Variants in SHISA9 observed in about 807,000 individuals in gnomAD.
SHISA9 encodes protein shisa-9.
In SHISA9, 13 loss-of-function variants were observed where a neutral mutation model predicts 38.0. The ratio of observed to expected loss-of-function variants is 0.34; its 90% confidence interval spans 0.22 to 0.54. SHISA9 has a LOEUF of 0.54. SHISA9 is among the 20% of genes least tolerant of loss of function. The probability of loss-of-function intolerance (pLI) is 0.91; values close to 1 mark genes in which losing one functional copy is unlikely to be tolerated. For synonymous variants in SHISA9, 275 were observed against 242.0 expected (o/e 1.14, Z -1.27); for missense variants, 538 against 575.8 (o/e 0.93, Z 0.67).
intron 2 of SHISA9, among the ~76,000 whole-genome samples, chr16:12,971,793 CTAATATAA>C (rs2072086568): frequency 6.6e-6 from 1 of 152,084 alleles, no homozygotes; most frequent in Admixed American, 6.6e-5. Flanking sequence ...ATAAGGAAAG[CTAATATAA>C]TAAAGACCTT....
At chr16:13,147,620 G>A (rs755803544) in intron 2 of SHISA9, among the ~76,000 whole-genome samples, 17 of 151,980 alleles carry the variant, frequency 1.1e-4, no homozygotes, top group African/African-American at 3.9e-4. Context: ...ACAACACCAC[G>A]CCTGGCTAAT....
Position 13,049,156 on chromosome 16 carries a change from A to ATGTGTGTGTGTGTG in SHISA9, c.691+132377_691+132390dup, listed in dbSNP as rs10526925. Among the ~76,000 whole-genome samples the ATGTGTGTGTGTGTG allele has an allele frequency of 2.3e-4, 15 of 63,972 alleles. 1 individual carries two copies. Among genetic ancestry groups the ATGTGTGTGTGTGTG allele is most frequent in the Admixed American group, 1.9e-3 (14 of 7,512 alleles). 42.0% of individuals were successfully genotyped at this position (63,972 alleles called of 152,430 possible). On this transcript the variant is annotated intron_variant, in intron 2 of 4. Transcript: ENST00000558583. ...GCCATTCTAAGCTTTGGTTAGGAGT[A>ATGTGTGTGTGTGTG]TGTGTGTGTGTGTGTGTGTGTGTGT...
chr16:13,294,476 G>T, the SHISA9 span, among the ~76,000 whole-genome samples: 63 of 152,290 alleles, frequency 4.1e-4, no homozygotes, highest in African/African-American at 1.4e-3. Flanking sequence ...AAGACTCTTA[G>T]TGGAAACACA....
At chr16:13,130,919 A>G (rs1327646770) in intron 2 of SHISA9, among the ~76,000 whole-genome samples, 1 of 152,142 alleles carries the variant, frequency 6.6e-6, no homozygotes. Flanking sequence ...TGAGATACCA[A>G]CTCACACCAG....
chr16:13,516,550 AG>A, the SHISA9 span, among the ~76,000 whole-genome samples: 4 of 152,226 alleles, frequency 2.6e-5, no homozygotes, highest in Non-Finnish European at 5.9e-5. Flanking sequence ...CTGTAATCCC[AG>A]CACTTTGGGA....
rs746874108 is a variant in SHISA9, at chr16:13,203,531, G to C, written c.829G>C (p.Ala277Pro). 6.5e-7 allele frequency: 1 copy of C among 1,539,520 alleles called. No individual in the cohort carries two copies. Among genetic ancestry groups the C allele is most frequent in the Non-Finnish European group, 8.8e-7 (1 of 1,141,428 alleles). Residue 277 changes from alanine (A) to proline (P), a missense_variant, in exon 3 of 5, where the codon GCC (alanine) becomes CCC (proline). Transcript: ENST00000558583. ...QPPGKELNKY[A>P]SLKAVGSSDG... ...ACCAGGAAAAGAGCTCAACAAGTAC[G>C]CCTCCTTAAAGGCAGTCGGTAAGTG...
chr16:13,078,739 A>T (rs1411060599), intron 2 of SHISA9, among the ~76,000 whole-genome samples: 1 of 152,132 alleles, frequency 6.6e-6, no homozygotes, highest in African/African-American at 2.4e-5. Flanking sequence ...AAGTTGGTTG[A>T]ACCCTTGGAT....
the SHISA9 span, among the ~76,000 whole-genome samples, chr16:13,447,565 G>C: frequency 6.6e-5 from 10 of 152,172 alleles, no homozygotes; most frequent in Non-Finnish European, 1.3e-4. Context: ...CAAGCTACCA[G>C]GAGTGTCCAG....
chr16:12,994,661 A>G (rs2072435626), intron 2 of SHISA9, among the ~76,000 whole-genome samples: 1 of 152,232 alleles, frequency 6.6e-6, no homozygotes, highest in Non-Finnish European at 1.5e-5. Flanking sequence ...TCACTGTGGT[A>G]TCCAACCACT....
At chr16:13,056,518 C>G (rs912239526) in intron 2 of SHISA9, among the ~76,000 whole-genome samples, 5 of 152,194 alleles carry the variant, frequency 3.3e-5, no homozygotes. Context: ...GGGACACATA[C>G]ACTGAAGGGA....
the SHISA9 span, among the ~76,000 whole-genome samples, chr16:13,329,767 T>G: frequency 2.6e-5 from 4 of 152,174 alleles, no homozygotes; most frequent in Non-Finnish European, 5.9e-5. Flanking sequence ...CCTGCAGACC[T>G]TGAGCTAAAT....
the SHISA9 span, among the ~76,000 whole-genome samples, chr16:13,505,689 G>C: frequency 6.6e-6 from 1 of 152,206 alleles, no homozygotes; most frequent in Non-Finnish European, 1.5e-5. Flanking sequence ...GGAAAGGGCA[G>C]AGATTCAGAA....
the SHISA9 span, among the ~76,000 whole-genome samples, chr16:13,533,227 G>C: frequency 1.3e-5 from 2 of 152,220 alleles, no homozygotes; most frequent in East Asian, 3.9e-4. Context: ...GTCAAGCACT[G>C]TATCTTACTT....
the SHISA9 span, among the ~76,000 whole-genome samples, chr16:13,253,708 G>A: frequency 6.6e-6 from 1 of 152,018 alleles, no homozygotes; most frequent in East Asian, 1.9e-4. Flanking sequence ...AGAATTATGG[G>A]AGCTAAAATT....
intron 2 of SHISA9, among the ~76,000 whole-genome samples, chr16:13,134,138 T>A (rs149649892): frequency 6.6e-6 from 1 of 152,114 alleles, no homozygotes; most frequent in African/African-American, 2.4e-5. Flanking sequence ...GGTTAAGAAG[T>A]GGGTAGTAGC....
intron 2 of SHISA9, among the ~76,000 whole-genome samples, chr16:13,163,683 T>A (rs934559008): frequency 6.6e-5 from 10 of 152,106 alleles, no homozygotes; most frequent in Non-Finnish European, 1.2e-4. Flanking sequence ...GTTTTTATAG[T>A]TTTTATTGTA....
intron 2 of SHISA9, among the ~76,000 whole-genome samples, chr16:12,958,261 C>G (rs2071863111): frequency 1.3e-5 from 2 of 152,216 alleles, no homozygotes; most frequent in Admixed American, 6.5e-5. Context: ...ATGGATTTAT[C>G]TAGTTTCTAT....
intron 2 of SHISA9, among the ~76,000 whole-genome samples, chr16:13,059,294 A>AT (rs922678726): frequency 1.6e-4 from 25 of 151,624 alleles, no homozygotes; most frequent in Admixed American, 9.2e-4. Context: ...TGCCTGGCTA[A>AT]TTTTTTGTAT....
chr16:13,068,116 A>C (rs2073455663), intron 2 of SHISA9, among the ~76,000 whole-genome samples: 1 of 152,052 alleles, frequency 6.6e-6, no homozygotes, highest in African/African-American at 2.4e-5. Flanking sequence ...TGGGTTCATA[A>C]ATGAGAGTTC....
Sources: gnomAD v4.1 joint callset for allele counts (sites outside exome capture counted in the v4.1 genomes callset) on GRCh38, gnomAD v4.1.1 for gene constraint, MANE v1.5 for transcripts, NCBI Gene and HGNC (gene_info 2026-07-23, HGNC 2026-07-21) for gene names.